Variants in MBD5 observed in about 807,000 individuals in gnomAD.
The protein encoded by MBD5 is methyl-CpG binding domain protein 5.
Under a neutral mutation model 117.3 loss-of-function variants are expected in MBD5, and 13 were observed. The observed-to-expected ratio is 0.11, with a 90% CI of 0.07 to 0.18. MBD5 has a LOEUF of 0.18. Ranked by LOEUF, MBD5 falls within the 10% of genes least tolerant of loss-of-function variation. MBD5 has a pLI of 1.00. For synonymous variants in MBD5, 727 were observed against 766.4 expected (o/e 0.95, Z 0.85); for missense variants, 1,879 against 2,093.8 (o/e 0.90, Z 2.00).
At chr2:148,114,890 GA>G (rs200902907) in intron 1 of MBD5, among the ~76,000 whole-genome samples, 8 of 149,316 alleles carry the variant, frequency 5.4e-5, no homozygotes, top group African/African-American at 1.5e-4. Context: ...TGTGTACATT[GA>G]AAAAAAAAGT....
intron 4 of MBD5, among the ~76,000 whole-genome samples, chr2:148,387,386 TAGAA>T (rs1704405731): frequency 6.6e-6 from 1 of 151,944 alleles, no homozygotes; most frequent in Non-Finnish European, 1.5e-5. Flanking sequence ...CTTTGCAAAA[TAGAA>T]AGGAAGTCCT....
In MBD5 at chr2:148,445,300, T is replaced by C. The variant is rs537115556; in HGVS notation, c.-556-12903T>C. On this transcript the variant is annotated intron_variant, in intron 4 of 13. Transcript: ENST00000642680. Reference sequence around the variant, plus strand: ...ATCCCTCCCCGCTCCCCCCACCCCATGACAGGCCCCAGTGTGTGATGTTCC... The same window carrying C: ...ATCCCTCCCCGCTCCCCCCACCCCACGACAGGCCCCAGTGTGTGATGTTCC... Among the ~76,000 whole-genome samples the C allele has an allele frequency of 2.7e-4, 39 of 144,800 alleles. 2 individuals are homozygous for C. Among genetic ancestry groups the C allele is most frequent in the African/African-American group, 7.5e-4 (29 of 38,920 alleles). The allele number at this position is 144,800 out of a possible 152,430, so 95.0% of individuals were successfully genotyped here.
chr2:148,086,620 G>A (rs1326902621), intron 1 of MBD5, among the ~76,000 whole-genome samples: 5 of 152,018 alleles, frequency 3.3e-5, no homozygotes, highest in South Asian at 2.1e-4. Flanking sequence ...TATCCCACTC[G>A]TGCAATTAGA....
At position 148,333,688 on chromosome 2, in the gene MBD5, A is replaced by T. The variant is rs536784489; in HGVS notation, c.-679-8526A>T. On this transcript the variant is annotated intron_variant, in intron 3 of 13. Transcript: ENST00000642680. ...GAAACCCTGTCTCTGCTGAAAAAAAAAAAATAAATAAATACAAAAATTAGC... is the reference window on the plus strand; with the variant it reads ...GAAACCCTGTCTCTGCTGAAAAAAATAAAATAAATAAATACAAAAATTAGC... Among the ~76,000 whole-genome samples, 283 of 152,042 alleles carry T rather than the reference A, an allele frequency of 1.9e-3. 1 individual carries two copies. Among genetic ancestry groups the T allele is most frequent in the African/African-American group, 5.7e-3 (235 of 41,444 alleles).
At chr2:148,097,258 A>C (rs1282534118) in intron 1 of MBD5, among the ~76,000 whole-genome samples, 1 of 152,220 alleles carries the variant, frequency 6.6e-6, no homozygotes, top group African/African-American at 2.4e-5. Flanking sequence ...ATAAATTCAA[A>C]GTGGTGGCAC....
At chr2:148,321,179 C>A (rs1036898065) in intron 3 of MBD5, among the ~76,000 whole-genome samples, 29 of 152,086 alleles carry the variant, frequency 1.9e-4, no homozygotes, top group Admixed American at 3.9e-4. Context: ...ACTTAGTAAA[C>A]AGTTACATTA....
intron 1 of MBD5, among the ~76,000 whole-genome samples, chr2:148,127,639 G>T (rs764961226): frequency 6.6e-5 from 10 of 152,124 alleles, no homozygotes; most frequent in Non-Finnish European, 8.8e-5. Flanking sequence ...TCGTTGATGG[G>T]TATTTGGGTT....
intron 1 of MBD5, among the ~76,000 whole-genome samples, chr2:148,068,925 T>C (rs1695278730): frequency 6.6e-6 from 1 of 152,216 alleles, no homozygotes; most frequent in African/African-American, 2.4e-5. Context: ...TTTTAAGTAA[T>C]GCATTATAAC....
intron 5 of MBD5, among the ~76,000 whole-genome samples, chr2:148,462,059 A>G (rs1158312006): frequency 6.6e-6 from 1 of 152,190 alleles, no homozygotes; most frequent in Non-Finnish European, 1.5e-5. Context: ...GGGAGATAAA[A>G]GAAACCTGTT....
In MBD5 at chr2:148,349,680, A is replaced by G. The variant is rs551633166; in HGVS notation, c.-557+7344A>G. ...TCAAAATAGCCACACTAACCAGTTC[A>G]TAATTTTGCATGTTTAGATCTGGCT... On this transcript the variant is annotated intron_variant, in intron 4 of 13. Transcript: ENST00000642680. Among the ~76,000 whole-genome samples the G allele has an allele frequency of 6.5e-4, 99 of 152,160 alleles. 4 individuals are homozygous for G. In the South Asian group the frequency reaches 0.02, roughly 31 times the overall value.
intron 3 of MBD5, among the ~76,000 whole-genome samples, chr2:148,323,003 A>AC (rs1702328038): frequency 7.8e-6 from 1 of 127,622 alleles, no homozygotes; most frequent in East Asian, 2.3e-4. Flanking sequence ...CACTCCCCCA[A>AC]CCCCACAACA....
At chr2:148,029,116 G>A (rs1693974026) in intron 1 of MBD5, among the ~76,000 whole-genome samples, 1 of 152,048 alleles carries the variant, frequency 6.6e-6, no homozygotes, top group Non-Finnish European at 1.5e-5. Context: ...ATAGTGATGA[G>A]AGTGATGTTG....
At chr2:148,214,095 A>G (rs892020179) in intron 2 of MBD5, among the ~76,000 whole-genome samples, 2 of 152,116 alleles carry the variant, frequency 1.3e-5, no homozygotes, top group African/African-American at 4.8e-5. Context: ...CTATGCATTT[A>G]CTCATTTTTA....
rs757371602 is a variant in MBD5 at position 148,296,864 on chromosome 2, A to ATTTTTTTTTTT, written c.-679-45340_-679-45330dup. ...AAGCATAGTTTGCTTTAGTTCTTCAATTTTTTTTTTTTTTTTTTTTGGAGA... is the reference window on the plus strand; with the variant it reads ...AAGCATAGTTTGCTTTAGTTCTTCAATTTTTTTTTTTTTTTTTTTTTTTTTTTTTTTGGAGA... On this transcript the variant is annotated intron_variant, in intron 3 of 13. Coordinates refer to ENST00000642680, the MANE Select transcript of MBD5 (RefSeq NM_001378120.1). 5.2e-3 allele frequency among the ~76,000 whole-genome samples: 321 copies of ATTTTTTTTTTT among 61,316 alleles called. 42 individuals are homozygous for ATTTTTTTTTTT. The highest frequency in any genetic ancestry group is 6.3e-3 in the Admixed American group (23 of 3,662). 40.2% of individuals were successfully genotyped at this position (61,316 alleles called of 152,430 possible). A position where few individuals can be genotyped will look rare whatever the true frequency, so the allele number is the denominator to read the frequency against.
intron 1 of MBD5, among the ~76,000 whole-genome samples, chr2:148,024,106 A>G (rs781084918): frequency 7.9e-5 from 12 of 152,088 alleles, no homozygotes; most frequent in Non-Finnish European, 1.5e-4. Flanking sequence ...AAATGAAACT[A>G]TTATGTACAG....
At chr2:148,187,314 C>A (rs547287578) in intron 2 of MBD5, among the ~76,000 whole-genome samples, 53 of 146,274 alleles carry the variant, frequency 3.6e-4, no homozygotes, top group African/African-American at 1.1e-3. Context: ...ATACCCCCCC[C>A]AAAAAAAAAA....
At chr2:148,271,466 C>T (rs1700985131) in intron 3 of MBD5, among the ~76,000 whole-genome samples, 1 of 152,106 alleles carries the variant, frequency 6.6e-6, no homozygotes, top group South Asian at 2.1e-4. Context: ...TGTTTTCGTG[C>T]TCTCCTTGAG....
At chr2:148,399,065 A>G (rs896946033) in intron 4 of MBD5, among the ~76,000 whole-genome samples, 1 of 152,142 alleles carries the variant, frequency 6.6e-6, no homozygotes, top group African/African-American at 2.4e-5. Context: ...GCCTTGTAAT[A>G]TAGTTTGAAG....
chr2:148,103,148 C>T (rs1345077129), intron 1 of MBD5, among the ~76,000 whole-genome samples: 2 of 152,130 alleles, frequency 1.3e-5, no homozygotes, highest in African/African-American at 2.4e-5. Context: ...ATTAAATGTG[C>T]TTTATCTGCT....
Sources: allele counts gnomAD v4.1 joint callset (sites outside exome capture counted in the v4.1 genomes callset), GRCh38; gene constraint gnomAD v4.1.1; transcripts MANE v1.5; gene names NCBI Gene and HGNC (gene_info 2026-07-23, HGNC 2026-07-21).